Variants in ADGRB2 observed in about 807,000 individuals in gnomAD.
The protein encoded by ADGRB2 is adhesion G protein-coupled receptor B2.
In ADGRB2, 47 loss-of-function variants were observed where a neutral mutation model predicts 178.7. The ratio of observed to expected loss-of-function variants is 0.26; its 90% CI spans 0.21 to 0.34. The LOEUF is 0.34. ADGRB2 is among the 10% of genes least tolerant of loss of function. The pLI is 1.00. For missense variants in ADGRB2, 1,584 were observed against 2,180.8 expected (o/e 0.73, Z 5.45); for synonymous variants, 870 against 912.4 (o/e 0.95, Z 0.84).
intron 26 of ADGRB2, among the ~76,000 whole-genome samples, 158 bp from the exon 27 acceptor site, chr1:31,732,770 G>A (rs1294843099): frequency 2.0e-5 from 3 of 152,252 alleles, no homozygotes; most frequent in Non-Finnish European, 4.4e-5. Flanking sequence ...TGCAACGGGA[G>A]GAGGAGACCC....
intron 28 of ADGRB2, 100 bp downstream of exon 28, chr1:31,732,015 A>T (rs1029065065): frequency 1.5e-5 from 23 of 1,495,560 alleles, no homozygotes; most frequent in Non-Finnish European, 1.9e-5. Flanking sequence ...GCTGGACTCC[A>T]GCAGCCAGAA....
Position 31,735,789 on chromosome 1 carries a change from G to A in ADGRB2, c.3267+38C>T. 3 of 1,601,334 alleles carry A rather than the reference G, an allele frequency of 1.9e-6. No individual in the cohort carries two copies. The highest frequency in any genetic ancestry group is 2.6e-6 in the Non-Finnish European group (3 of 1,172,612). On this transcript the variant is annotated intron_variant, in intron 23 of 32. Transcript: ENST00000373658. This position sits in a 1 kb window ranked among gnomAD's most constrained non-coding sequence, Gnocchi z 6.0. ...GAGGGAGAAACAGGATGACCCTCTG[G>A]GGCCATGCCCCTTCCAAGATGCTGA... is the stretch of plus-strand genomic sequence containing the variant.
In ADGRB2 at chr1:31,728,588, T is replaced by C. The variant is rs540992823; in HGVS notation, c.4416+10A>G. The C allele has an allele frequency of 5.0e-5, 81 of 1,614,058 alleles. No individual in the cohort carries two copies. In the South Asian group the frequency reaches 7.1e-4, roughly 14 times the overall value. On this transcript the variant is annotated intron_variant, in intron 30 of 32. Transcript: ENST00000373658. The surrounding 1 kb of genome is among the most constrained non-coding windows in gnomAD (Gnocchi z 6.7). Reference sequence around the variant, plus strand: ...GATGTCCCACCGCCCAGCACACACATGGCCCTTACCTCAAAGTCCAGGTCT... The same window carrying C: ...GATGTCCCACCGCCCAGCACACACACGGCCCTTACCTCAAAGTCCAGGTCT...
chr1:31,763,247 G>A (rs1489463339), intron 1 of ADGRB2, among the ~76,000 whole-genome samples: 1 of 151,560 alleles, frequency 6.6e-6, no homozygotes, highest in African/African-American at 2.4e-5. Flanking sequence ...TGAGGGGAGG[G>A]GACTTGCAGC....
chr1:31,759,556 C>A lies in ADGRB2; in HGVS notation c.-190-2045G>T. ...CTTTTAACCCAATCCAACCCCCCTCCTCCCCTCAGTCTCCTTCAGACACCT... is the reference window on the plus strand; with the variant it reads ...CTTTTAACCCAATCCAACCCCCCTCATCCCCTCAGTCTCCTTCAGACACCT... On this transcript the variant is annotated intron_variant, in intron 1 of 32. Coordinates refer to ENST00000373658, the MANE Select transcript of ADGRB2 (RefSeq NM_001364857.2). The surrounding 1 kb of genome is among the most constrained non-coding windows in gnomAD (Gnocchi z 4.3). 3 of 601,992 alleles carry A rather than the reference C, an allele frequency of 5.0e-6. No homozygotes were observed. The highest frequency in any genetic ancestry group is 9.0e-6 in the Non-Finnish European group (3 of 334,302). The allele number at this position is 601,992 out of a possible 1,614,324, so 37.3% of individuals were successfully genotyped here. A position where few individuals can be genotyped will look rare whatever the true frequency, so the allele number is the denominator to read the frequency against.
intron 7 of ADGRB2, among the ~76,000 whole-genome samples, chr1:31,742,520 C>T (rs1219136958): frequency 3.0e-4 from 45 of 152,212 alleles, no homozygotes; most frequent in Non-Finnish European, 1.2e-4. Context: ...TCTTTGCCAG[C>T]ACTTCAGCCC....
At chr1:31,748,640 C>G (rs1646400025) in intron 4 of ADGRB2, among the ~76,000 whole-genome samples, 2 of 152,252 alleles carry the variant, frequency 1.3e-5, no homozygotes, top group Non-Finnish European at 2.9e-5. Context: ...AGTGTTCCAC[C>G]CAGTGAGCTC....
chr1:31,738,770 G>T, intron 16 of ADGRB2, 62 bp downstream of exon 16: 1 of 1,601,100 alleles, frequency 6.2e-7, no homozygotes, highest in Non-Finnish European at 8.6e-7. Flanking sequence ...CTTCCCACCA[G>T]CCAGGCCTCT....
intron 1 of ADGRB2, among the ~76,000 whole-genome samples, chr1:31,763,654 G>A (rs1181204610): frequency 6.6e-6 from 1 of 150,948 alleles, no homozygotes; most frequent in Non-Finnish European, 1.5e-5. Flanking sequence ...GGGAGGGGGG[G>A]GGCCGAGATT....
chr1:31,752,224 T>A (rs1193424968), intron 4 of ADGRB2, among the ~76,000 whole-genome samples: 1 of 152,142 alleles, frequency 6.6e-6, no homozygotes, highest in Non-Finnish European at 1.5e-5. Flanking sequence ...TCTACTCTGA[T>A]AAAGACATGA....
chr1:31,749,484 G>T (rs1646448152), intron 4 of ADGRB2, among the ~76,000 whole-genome samples: 1 of 152,212 alleles, frequency 6.6e-6, no homozygotes, highest in South Asian at 2.1e-4. Flanking sequence ...GTGTACCCTT[G>T]GGCAAGACAC....
rs1557760334 is a variant in ADGRB2, at chr1:31,740,929, T to TACACACACACA, written c.1795-389_1795-388insTGTGTGTGTGT. On this transcript the variant is annotated intron_variant, in intron 11 of 32. Transcript: ENST00000373658. The surrounding 1 kb of genome is among the most constrained non-coding windows in gnomAD (Gnocchi z 5.9). ...CACACACACACACACACACACACTGTCTTTCTCTCTCTCACTCTCTCTCAA... is the reference window on the plus strand; with the variant it reads ...CACACACACACACACACACACACTGTACACACACACACTTTCTCTCTCTCACTCTCTCTCAA... Among the ~76,000 whole-genome samples the TACACACACACA allele has an allele frequency of 1.4e-3, 136 of 93,818 alleles. No homozygotes were observed. The highest frequency in any genetic ancestry group is 0.013 in the Admixed American group (126 of 9,418). 61.5% of individuals were successfully genotyped at this position (93,818 alleles called of 152,430 possible). A position where few individuals can be genotyped will look rare whatever the true frequency, so the allele number is the denominator to read the frequency against.
chr1:31,750,163 GACAAT>G (rs1557779561), intron 4 of ADGRB2, among the ~76,000 whole-genome samples: 2 of 152,146 alleles, frequency 1.3e-5, no homozygotes, highest in African/African-American at 2.4e-5. Flanking sequence ...TTCCTAGACT[GACAAT>G]ACAGTGGTTT....
At chr1:31,738,784 C>T (rs1557753488) in intron 16 of ADGRB2, 48 bp downstream of exon 16, 1 of 1,606,742 alleles carries the variant, frequency 6.2e-7, no homozygotes, top group African/African-American at 1.3e-5. Flanking sequence ...GGCCTCTGGC[C>T]ACCCAGGTTG....
intron 20 of ADGRB2, 108 bp downstream of exon 20, chr1:31,737,321 A>C (rs1645668231): frequency 3.8e-6 from 4 of 1,039,454 alleles, no homozygotes; most frequent in Non-Finnish European, 5.9e-6. Context: ...CATGGGGCAC[A>C]CATACACCAC....
Position 31,740,617 on chromosome 1 carries a change from C to T in ADGRB2, c.1795-76G>A. The T allele has an allele frequency of 7.0e-7, 1 of 1,422,426 alleles. No individual in the cohort carries two copies. The highest frequency in any genetic ancestry group is 9.4e-7 in the Non-Finnish European group (1 of 1,066,468). 88.1% of individuals were successfully genotyped at this position (1,422,426 alleles called of 1,614,324 possible). A position where few individuals can be genotyped will look rare whatever the true frequency, so the allele number is the denominator to read the frequency against. Reference sequence around the variant, plus strand: ...AGACCCTGGCCCATCCCACTCCAGTCCACCCACTGCTTGCATCCACGGGGA... The same window carrying T: ...AGACCCTGGCCCATCCCACTCCAGTTCACCCACTGCTTGCATCCACGGGGA... On this transcript the variant is annotated intron_variant, in intron 11 of 32. Transcript: ENST00000373658. The surrounding 1 kb of genome is among the most constrained non-coding windows in gnomAD (Gnocchi z 5.9).
At position 31,728,033 on chromosome 1, in the gene ADGRB2, C is replaced by G. The variant is rs773508471; in HGVS notation, c.4564G>C (p.Val1522Leu). 17 of 1,571,364 alleles carry G rather than the reference C, an allele frequency of 1.1e-5. No individual in the cohort carries two copies. Among genetic ancestry groups the G allele is most frequent in the Non-Finnish European group, 2.6e-6 (3 of 1,162,740 alleles). Residue 1522 changes from valine (V) to leucine (L), a missense_variant, in exon 32 of 33, where the codon GTG becomes CTG. This residue lies in a region of ADGRB2 where 865 missense variants were observed against 1,192.8 expected (regional missense o/e 0.73). Coordinates refer to ENST00000373658, the MANE Select transcript of ADGRB2 (RefSeq NM_001364857.2). This position sits in a 1 kb window ranked among gnomAD's most constrained non-coding sequence, Gnocchi z 6.7. ...VSSGGAAERS[V>L]CTDKPSPGER... The stretch of plus-strand genomic sequence containing the variant: ...AGCCCGGGGGGACTCACGGTGCACA[C>G]GCTCCGCTCGGCTGCCCCACCCGAG...
intron 4 of ADGRB2, among the ~76,000 whole-genome samples, chr1:31,746,299 A>T (rs746941059): frequency 4.0e-5 from 6 of 151,472 alleles, no homozygotes; most frequent in Non-Finnish European, 8.8e-5. Context: ...CACAGCCTCC[A>T]CCCCTTCCAG....
chr1:31,749,615 A>G (rs1041022852), intron 4 of ADGRB2, among the ~76,000 whole-genome samples: 1 of 152,248 alleles, frequency 6.6e-6, no homozygotes, highest in Non-Finnish European at 1.5e-5. Context: ...TCCGCTCTCA[A>G]TGAAAAGGAG....
Sources: allele counts gnomAD v4.1 joint callset (sites outside exome capture counted in the v4.1 genomes callset), GRCh38; gene constraint gnomAD v4.1.1; regional missense constraint gnomAD v4.1.1; non-coding constraint Gnocchi (gnomAD v3.1); transcripts MANE v1.5; gene names NCBI Gene and HGNC (gene_info 2026-07-23, HGNC 2026-07-21).